HSPG2: variants seen among roughly 807,000 people sequenced by gnomAD.
HSPG2 encodes the protein heparan sulfate proteoglycan 2, also known as basement membrane-specific heparan sulfate proteoglycan core protein.
A neutral mutation model predicts 526.6 loss-of-function variants in HSPG2; 278 were observed. The observed-to-expected ratio is 0.53, with a 90% CI of 0.48 to 0.58. The LOEUF is 0.58. HSPG2 is among the 20% of genes least tolerant of loss of function. The pLI, the probability that HSPG2 is intolerant of heterozygous loss-of-function variation, is 0.00. For missense variants in HSPG2, 5,354 were observed against 6,099.5 expected (o/e 0.88, Z 4.07); for synonymous variants, 2,465 against 2,555.4 (o/e 0.96, Z 1.07).
chr1:21,906,732 G>T lies in HSPG2; in HGVS notation c.64-10422C>A, dbSNP rs12062224. 7.2e-3 allele frequency among the ~76,000 whole-genome samples: 591 copies of T among 81,962 alleles called. 2 individuals are homozygous for T. The highest frequency in any genetic ancestry group is 0.027 in the African/African-American group (361 of 13,132). 53.8% of individuals were successfully genotyped at this position (81,962 alleles called of 152,430 possible). ...AAGCAACATGATGGGACTGGGGGGT[G>T]GGGGGGGGTCACGTGCAACTATTTG... is the stretch of plus-strand genomic sequence containing the variant. On this transcript the variant is annotated intron_variant, in intron 1 of 96. Coordinates refer to ENST00000374695, the MANE Select transcript of HSPG2 (RefSeq NM_005529.7).
chr1:21,917,024 G>C (rs929137293), intron 1 of HSPG2, among the ~76,000 whole-genome samples: 1 of 152,250 alleles, frequency 6.6e-6, no homozygotes, highest in Non-Finnish European at 1.5e-5. Context: ...CGTTAATCAA[G>C]ATATCAAGTC....
intron 1 of HSPG2, among the ~76,000 whole-genome samples, chr1:21,900,514 G>T (rs1176535226): frequency 6.6e-6 from 1 of 152,166 alleles, no homozygotes; most frequent in Non-Finnish European, 1.5e-5. Context: ...ATGAATGCAG[G>T]CTGGATCCTC....
In HSPG2 at chr1:21,836,790, G is replaced by A. The variant is rs576054252; in HGVS notation, c.10355+12C>T. On this transcript the variant is annotated intron_variant, in intron 75 of 96. Coordinates refer to ENST00000374695, the MANE Select transcript of HSPG2 (RefSeq NM_005529.7). Reference sequence around the variant, plus strand: ...GCTGCCCAAGTCCAGTCCTGCCCCCGGCCCCACTCACCGGAGCACCCCATC... The same window carrying A: ...GCTGCCCAAGTCCAGTCCTGCCCCCAGCCCCACTCACCGGAGCACCCCATC... 5.0e-5 allele frequency: 77 copies of A among 1,546,394 alleles called. 1 individual carries two copies. Among genetic ancestry groups the A allele is most frequent in the South Asian group, 4.7e-4 (40 of 84,544 alleles).
At chr1:21,830,842 A>G (rs1167919501) in intron 85 of HSPG2, 140 bp downstream of exon 85, 3 of 657,198 alleles carry the variant, frequency 4.6e-6, no homozygotes. Context: ...GGATGGGTAC[A>G]TGGGAGGAGT....
At chr1:21,831,600 T>G (rs755338293) in intron 82 of HSPG2, 38 bp from the exon 83 acceptor site, 1 of 1,613,814 alleles carries the variant, frequency 6.2e-7, no homozygotes, top group East Asian at 2.2e-5. Context: ...CAACAGAGGC[T>G]GGGCAAGGGC....
At chr1:21,860,378 C>A (rs1639694057) in intron 39 of HSPG2, 143 bp from the exon 40 acceptor site, 1 of 692,244 alleles carries the variant, frequency 1.4e-6, no homozygotes, top group Non-Finnish European at 2.5e-6. Flanking sequence ...GGGGACCAGA[C>A]AGGCCCCAAC....
intron 71 of HSPG2, among the ~76,000 whole-genome samples, chr1:21,840,395 T>C (rs769017750): frequency 6.6e-6 from 1 of 152,284 alleles, no homozygotes; most frequent in Admixed American, 6.5e-5. Flanking sequence ...AAGCTCTACC[T>C]CCCAGGTTCA....
Position 21,833,506 on chromosome 1 carries a change from G to T in HSPG2, c.10939C>A (p.Gln3647Lys). Residue 3647 changes from glutamine (Q) to lysine (K), a missense_variant, in exon 79 of 97, where the codon CAG becomes AAG. By Grantham distance (53) the Gln-to-Lys change is moderately conservative. Transcript: ENST00000374695. ...GTYVCTATNRQGKVKAFAHLQ... is the reference protein window; with the variant it reads ...GTYVCTATNRKGKVKAFAHLQ... ...TGGGCAAAGGCTTTGACCTTGCCCT[G>T]GCGGTTAGTGGCGGTGCAGACGTAG... The T allele has an allele frequency of 6.2e-7, 1 of 1,614,188 alleles. No homozygotes were observed. The highest frequency in any genetic ancestry group is 8.5e-7 in the Non-Finnish European group (1 of 1,180,016).
chr1:21,835,553 C>T lies in HSPG2; in HGVS notation c.10440G>A (p.Gln3480=). ...CCACCCTCCTACCTTGGATAACCAG[C>T]TGGGCACTGGCCTGGGCCTTCCCCC... The part of the protein sequence containing the change: ...GPWGKAQASA[Q]LVIQALPSVL... The change falls in exon 76 of 97, where the codon CAG becomes CAA. Residue 3480 remains glutamine (Q), a synonymous_variant. Transcript: ENST00000374695. The T allele has an allele frequency of 6.2e-7, 1 of 1,613,246 alleles. No individual in the cohort carries two copies. The highest frequency in any genetic ancestry group is 8.5e-7 in the Non-Finnish European group (1 of 1,179,154).
intron 1 of HSPG2, among the ~76,000 whole-genome samples, chr1:21,917,088 A>G (rs1643903805): frequency 6.6e-6 from 1 of 152,336 alleles, no homozygotes; most frequent in African/African-American, 2.4e-5. Flanking sequence ...CACGCTGACC[A>G]GAAGTTCTGA....
chr1:21,842,321 C>T lies in HSPG2; in HGVS notation c.8970G>A (p.Val2990=), dbSNP rs1435144602. The T allele has an allele frequency of 6.2e-7, 1 of 1,612,828 alleles. No individual in the cohort carries two copies. Among genetic ancestry groups the T allele is most frequent in the African/African-American group, 1.3e-5 (1 of 75,068 alleles). The change falls in exon 68 of 97, where the codon GTG becomes GTA. Residue 2990 remains valine (V), a synonymous_variant. Transcript: ENST00000374695. ...GGCCTGGGCCGCTGGCTGCACGACA[C>T]ACATACTCGCCTGAGTCGGCAGGGG... The part of the protein sequence containing the change: ...LVSPADSGEY[V]CRAASGPGPE...
At position 21,887,521 on chromosome 1, in the gene HSPG2, C is replaced by G; in HGVS notation, c.857G>C (p.Gly286Ala). Residue 286 changes from glycine (G) to alanine (A), a missense_variant, in exon 8 of 97, where the codon GGG becomes GCG. Coordinates refer to ENST00000374695, the MANE Select transcript of HSPG2 (RefSeq NM_005529.7). The surrounding 1 kb of genome is among the most constrained non-coding windows in gnomAD (Gnocchi z 5.0). The part of the protein sequence containing the change: ...LPGSVRPLPC[G>A]PQEAACRNGH... ...ATTGCGGCATGCGGCCTCCTGGGGC[C>G]CACAGGGCAGGGGCCTGACGGAACC... is the stretch of plus-strand genomic sequence containing the variant. The G allele has an allele frequency of 6.2e-7, 1 of 1,614,006 alleles. No homozygotes were observed. Among genetic ancestry groups the G allele is most frequent in the Non-Finnish European group, 8.5e-7 (1 of 1,180,000 alleles).
At chr1:21,921,560 C>T (rs962553955) in intron 1 of HSPG2, among the ~76,000 whole-genome samples, 2 of 152,172 alleles carry the variant, frequency 1.3e-5, no homozygotes, top group African/African-American at 2.4e-5. Flanking sequence ...CAGGGAACAC[C>T]GGACTACTGA....
chr1:21,865,277 C>A lies in HSPG2; in HGVS notation c.4395+8G>T. The A allele has an allele frequency of 6.2e-7, 1 of 1,613,712 alleles. No individual in the cohort carries two copies. The highest frequency in any genetic ancestry group is 1.3e-5 in the African/African-American group (1 of 74,996). ...GGGTTAGACACAGCATGGCCAGGTG[C>A]CCCTTACCTCTCGGAACATGATCTC... On this transcript the variant is annotated splice_region_variant and intron_variant, in intron 35 of 96. Coordinates refer to ENST00000374695, the MANE Select transcript of HSPG2 (RefSeq NM_005529.7). The surrounding 1 kb of genome is among the most constrained non-coding windows in gnomAD (Gnocchi z 5.4).
At chr1:21,909,680 T>C (rs1643560098) in intron 1 of HSPG2, among the ~76,000 whole-genome samples, 1 of 152,220 alleles carries the variant, frequency 6.6e-6, no homozygotes, top group African/African-American at 2.4e-5. Flanking sequence ...GGAGCTGGAA[T>C]GGCAGTCCAG....
intron 57 of HSPG2, 95 bp downstream of exon 57, chr1:21,849,946 G>T: frequency 6.7e-7 from 1 of 1,501,258 alleles, no homozygotes; most frequent in Non-Finnish European, 9.2e-7. Context: ...CCAAAGTGCC[G>T]GGATTACAGG....
At chr1:21,900,999 C>A (rs1171586659) in intron 1 of HSPG2, among the ~76,000 whole-genome samples, 1 of 152,112 alleles carries the variant, frequency 6.6e-6, no homozygotes, top group Non-Finnish European at 1.5e-5. Flanking sequence ...TTCACTGTAG[C>A]AATATTACCG....
In HSPG2 at chr1:21,857,099, G is replaced by A; in HGVS notation, c.5491C>T (p.Gln1831Ter). 2 of 1,614,170 alleles carry A rather than the reference G, an allele frequency of 1.2e-6. No individual in the cohort carries two copies. The highest frequency in any genetic ancestry group is 1.7e-6 in the Non-Finnish European group (2 of 1,180,026). Residue 1831 changes from glutamine (Q) to a stop codon, truncating the protein, a stop_gained, in exon 44 of 97, where the codon CAG becomes TAG. Coordinates refer to ENST00000374695, the MANE Select transcript of HSPG2 (RefSeq NM_005529.7). LOFTEE classifies it high-confidence loss of function. ...ACGTAGGTGCCTGCATCACTCAGCTGGACGTTGCGAATGGTCAGGATGCCA... is the reference window on the plus strand; with the variant it reads ...ACGTAGGTGCCTGCATCACTCAGCTAGACGTTGCGAATGGTCAGGATGCCA... ...FNGILTIRNV[Q>*]LSDAGTYVCT...
At position 21,839,054 on chromosome 1, in the gene HSPG2, G is replaced by A. The variant is rs147560911; in HGVS notation, c.9921C>T (p.His3307=). 37 of 1,593,412 alleles carry A rather than the reference G, an allele frequency of 2.3e-5. No individual in the cohort carries two copies. The African/African-American group carries it at 3.1e-4, about 13-fold the overall frequency. Residue 3307 remains histidine, a synonymous_variant, in exon 74 of 97, where the codon CAC becomes CAT. Transcript: ENST00000374695. The surrounding 1 kb of genome is among the most constrained non-coding windows in gnomAD (Gnocchi z 4.5). ...CCGTCTCCCCTGCCTGCACCGAAGCGTGCTCTGGGACCGTGGTGGCATATG... is the reference window on the plus strand; with the variant it reads ...CCGTCTCCCCTGCCTGCACCGAAGCATGCTCTGGGACCGTGGTGGCATATG... ...SPPYATTVPE[H]ASVQAGETVQ...
Sources: allele counts gnomAD v4.1 joint callset (sites outside exome capture counted in the v4.1 genomes callset), GRCh38; gene constraint gnomAD v4.1.1; non-coding constraint Gnocchi (gnomAD v3.1); transcripts MANE v1.5; gene names NCBI Gene and HGNC (gene_info 2026-07-23, HGNC 2026-07-21).